TBC1D10B: variants seen among roughly 807,000 people sequenced by gnomAD.
The protein encoded by TBC1D10B is Rab27A-GAPbeta.
TBC1D10B carries 25 observed loss-of-function variants against 78.4 expected under a neutral mutation model. That is an observed-to-expected ratio of 0.32 (90% CI 0.23 to 0.45). The LOEUF is 0.45. Ranked by LOEUF, TBC1D10B falls within the 20% of genes least tolerant of loss-of-function variation. The probability of loss-of-function intolerance (pLI) is 1.00; values close to 1 mark genes in which losing one functional copy is unlikely to be tolerated. For missense variants in TBC1D10B, 996 were observed against 1,104.8 expected, an observed-to-expected ratio of 0.90 and a Z score of 1.40; for synonymous variants, 517 against 478.0, an observed-to-expected ratio of 1.08 and a Z score of -1.06.
At position 30,359,635 on chromosome 16, in the gene TBC1D10B, G is replaced by A. The variant is rs952527808; in HGVS notation, c.1387-32C>T. On this transcript the variant is annotated intron_variant, in intron 5 of 8. Transcript: ENST00000409939. ...AGAGCAAGAACAAGGAGGAGGGGTGGGGCCTGAGAAGCAGGGAGCAGGGAG... is the reference window on the plus strand; with the variant it reads ...AGAGCAAGAACAAGGAGGAGGGGTGAGGCCTGAGAAGCAGGGAGCAGGGAG... 5 of 1,556,464 alleles carry A rather than the reference G, an allele frequency of 3.2e-6. No individual in the cohort carries two copies. The African/African-American group carries it at 5.5e-5, about 17-fold the overall frequency.
In TBC1D10B at chr16:30,360,019, T is replaced by G. The variant is rs1383071696; in HGVS notation, c.1272-178A>C. On this transcript the variant is annotated intron_variant, in intron 4 of 8. Coordinates refer to ENST00000409939, the MANE Select transcript of TBC1D10B (RefSeq NM_015527.4). ...AGCAGAGCACTCCAGGCCCCGGGGC[T>G]CCGCCTTTGGCTACATACTCCACAT... The G allele has an allele frequency of 8.2e-6, 5 of 611,708 alleles. No individual in the cohort carries two copies. The East Asian group carries it at 1.4e-4, about 17-fold the overall frequency. The allele number at this position is 611,708 out of a possible 1,614,324, so 37.9% of individuals were successfully genotyped here. A position where few individuals can be genotyped will look rare whatever the true frequency, so the allele number is the denominator to read the frequency against.
intron 4 of TBC1D10B, 119 bp downstream of exon 4, chr16:30,364,781 T>C: frequency 1.2e-6 from 1 of 821,062 alleles, no homozygotes; most frequent in East Asian, 2.7e-5. Flanking sequence ...TACAGATAGC[T>C]CTTCTACAAG....
chr16:30,361,594 G>A (rs1034932993), intron 4 of TBC1D10B, among the ~76,000 whole-genome samples: 2 of 151,776 alleles, frequency 1.3e-5, no homozygotes, highest in African/African-American at 4.8e-5. Flanking sequence ...TAGTAGAGAC[G>A]GGGTTTCTCC....
chr16:30,367,480 T>A (rs2049645722), intron 1 of TBC1D10B: 1 of 152,106 alleles, frequency 6.6e-6, no homozygotes, highest in Admixed American at 6.6e-5. Context: ...TAATACAGCA[T>A]GGGAAATGCA....
rs1450470027 is a variant in TBC1D10B at position 30,358,823 on chromosome 16, G to A, written c.1643-6C>T. ...CCGGAAGATGATCTTAACGCCTGCA[G>A]GGGTGGAGAGTAGAGAGCATGGGGT... On this transcript the variant is annotated splice_polypyrimidine_tract_variant and splice_region_variant and intron_variant, in intron 7 of 8. Coordinates refer to ENST00000409939, the MANE Select transcript of TBC1D10B (RefSeq NM_015527.4). The A allele has an allele frequency of 6.2e-7, 1 of 1,602,260 alleles. No homozygotes were observed. Among genetic ancestry groups the A allele is most frequent in the Non-Finnish European group, 8.5e-7 (1 of 1,174,818 alleles).
rs1392101785 is a variant in TBC1D10B at position 30,359,297 on chromosome 16, T to C, written c.1517A>G (p.His506Arg). The change falls in exon 7 of 9, where the codon CAT becomes CGT. Residue 506 changes from histidine to arginine, a missense_variant. Coordinates refer to ENST00000409939, the MANE Select transcript of TBC1D10B (RefSeq NM_015527.4). The part of the protein sequence containing the change: ...ALLRRASPLA[H>R]RHLRRQRIDP... ...AATGCGCTGCCGCCGCAGGTGGCGA[T>C]GCGCCAGCGGGGAGGCCCGGCGCAG... 6.2e-7 allele frequency: 1 copy of C among 1,605,110 alleles called. No individual in the cohort carries two copies. The highest frequency in any genetic ancestry group is 1.1e-5 in the South Asian group (1 of 89,716).
At chr16:30,358,998 C>A in intron 7 of TBC1D10B, 174 bp downstream of exon 7, 1 of 1,211,782 alleles carries the variant, frequency 8.3e-7, no homozygotes. Flanking sequence ...AGAGCAGGCT[C>A]TGGGTTGGTG....
rs1387315592 is a variant in TBC1D10B, at chr16:30,358,794, C to T, written c.1666G>A (p.Ala556Thr). 1 of 1,608,788 alleles carries T rather than the reference C, an allele frequency of 6.2e-7. No individual in the cohort carries two copies. The highest frequency in any genetic ancestry group is 8.5e-7 in the Non-Finnish European group (1 of 1,177,984). ...AGCGTGTGGCGCAGCAGGACCAGGG[C>T]CACCCGGAAGATGATCTTAACGCCT... ...CEGVKIIFRV[A>T]LVLLRHTLGS... Residue 556 changes from alanine to threonine, a missense_variant, in exon 8 of 9, where the codon GCC becomes ACC. Physicochemically the swap from Ala to Thr is moderately conservative, Grantham distance 58. Transcript: ENST00000409939.
intron 4 of TBC1D10B, 38 bp downstream of exon 4, chr16:30,364,862 A>G (rs778520168): frequency 7.7e-6 from 12 of 1,555,716 alleles, no homozygotes; most frequent in African/African-American, 4.1e-5. Flanking sequence ...CCTCCAGCCA[A>G]TGTTTGCTGA....
intron 4 of TBC1D10B, chr16:30,360,431 C>T (rs1030429061): frequency 5.2e-5 from 8 of 153,576 alleles, no homozygotes; most frequent in African/African-American, 1.9e-4. Flanking sequence ...AGCGCTGCAC[C>T]CTGAATTCCA....
At chr16:30,359,079 C>T in intron 7 of TBC1D10B, 93 bp downstream of exon 7, 10 of 1,447,290 alleles carry the variant, frequency 6.9e-6, no homozygotes, top group African/African-American at 1.4e-5. Flanking sequence ...CAACAAGTAC[C>T]TTTTGTCCAT....
At position 30,357,303 on chromosome 16, in the gene TBC1D10B, G is replaced by A. The variant is rs11552860; in HGVS notation, c.*641C>T. 1.7e-3 allele frequency: 260 copies of A among 156,906 alleles called. 1 individual carries two copies. Among genetic ancestry groups the A allele is most frequent in the East Asian group, 5.0e-3 (26 of 5,248 alleles). 9.7% of individuals were successfully genotyped at this position (156,906 alleles called of 1,614,324 possible). ...GTGAGACAAAAGCAGGGGGGCCTGA[G>A]AACACAGAGCAAGGTGGGTTTGGAG... On this transcript the variant is annotated 3_prime_UTR_variant, in exon 9 of 9. Transcript: ENST00000409939.
intron 4 of TBC1D10B, among the ~76,000 whole-genome samples, chr16:30,364,332 T>C (rs1187890587): frequency 1.3e-5 from 2 of 151,850 alleles, no homozygotes; most frequent in Non-Finnish European, 2.9e-5. Flanking sequence ...TCCCAGCTAC[T>C]CAGGAGGCTG....
At chr16:30,368,047 T>G (rs1469378007) in intron 1 of TBC1D10B, 1 of 152,234 alleles carries the variant, frequency 6.6e-6, no homozygotes, top group Non-Finnish European at 1.5e-5. Context: ...TCAACTGCAC[T>G]AATTGTTTCT....
chr16:30,361,375 T>C (rs1432012174), intron 4 of TBC1D10B, among the ~76,000 whole-genome samples: 4 of 152,240 alleles, frequency 2.6e-5, no homozygotes, highest in African/African-American at 9.6e-5. Flanking sequence ...ACTCACTGTC[T>C]TCAATTTCTT....
chr16:30,369,540 C>T lies in TBC1D10B; in HGVS notation c.644G>A (p.Gly215Asp), dbSNP rs528779707. The T allele has an allele frequency of 1.9e-6, 3 of 1,546,228 alleles. No individual in the cohort carries two copies. Among genetic ancestry groups the T allele is most frequent in the South Asian group, 1.2e-5 (1 of 83,676 alleles). The change falls in exon 1 of 9, where the codon GGC (glycine) becomes GAC (aspartate). Residue 215 changes from glycine (G) to aspartate (D), a missense_variant. Gly to Asp is a moderately conservative substitution (Grantham distance 94). Around this residue, in one of 5 missense-constraint regions of TBC1D10B, gnomAD observed 448 missense variants for 442.1 expected, o/e 1.01. Transcript: ENST00000409939. This position sits in a 1 kb window ranked among gnomAD's most constrained non-coding sequence, Gnocchi z 4.3. ...AGTCCCAGAGGGGCCTGTGCCAGGG[C>T]CTGAGGGGTCCTCAGGAGCCTGTCC... is the stretch of plus-strand genomic sequence containing the variant. ...SAGQAPEDPSGPGTGPSGTCE... is the reference protein window; with the variant it reads ...SAGQAPEDPSDPGTGPSGTCE...
In TBC1D10B at chr16:30,370,271, G is replaced by A. The variant is rs1195027126; in HGVS notation, c.-88C>T. The A allele has an allele frequency of 1.4e-6, 1 of 699,976 alleles. No individual in the cohort carries two copies. The highest frequency in any genetic ancestry group is 6.7e-5 in the East Asian group (1 of 14,874). 43.4% of individuals were successfully genotyped at this position (699,976 alleles called of 1,614,324 possible). On this transcript the variant is annotated 5_prime_UTR_variant, in exon 1 of 9. Coordinates refer to ENST00000409939, the MANE Select transcript of TBC1D10B (RefSeq NM_015527.4). ...CCTCCCGGCGAGGCCAGCCGAGAAA[G>A]GGGAGAGGGCGAAGGGCGCGGCTCG... is the stretch of plus-strand genomic sequence containing the variant.
In TBC1D10B at chr16:30,357,943, G is replaced by A. The variant is rs1249180355; in HGVS notation, c.*1C>T. On this transcript the variant is annotated 3_prime_UTR_variant, in exon 9 of 9. Transcript: ENST00000409939. The stretch of plus-strand genomic sequence containing the variant: ...CATGCAGTCCAGCCCCAGGGCAGAG[G>A]TCAGAAGTAAGCGTCCTGCCGGGCC... 3 of 1,549,932 alleles carry A rather than the reference G, an allele frequency of 1.9e-6. No individual in the cohort carries two copies. Among genetic ancestry groups the A allele is most frequent in the Admixed American group, 2.0e-5 (1 of 50,910 alleles).
rs1183657934 is a variant in TBC1D10B, at chr16:30,358,158, T to C, written c.2213A>G (p.Gln738Arg). Residue 738 changes from glutamine to arginine, a missense_variant, in exon 9 of 9, where the codon CAG becomes CGG. Physicochemically the swap from Gln to Arg is conservative, Grantham distance 43 (BLOSUM62 1). This residue lies in a region of TBC1D10B where 285 missense variants were observed against 252.5 expected (regional missense o/e 1.13). Coordinates refer to ENST00000409939, the MANE Select transcript of TBC1D10B (RefSeq NM_015527.4). ...CCGCTCCTTCTCCCGCTCCTTCTCC[T>C]GTTTCTGCCGCTCCTTCTCCTGTTT... ...RQKQEKERQK[Q>R]EKEREKERQK... 8 of 1,549,696 alleles carry C rather than the reference T, an allele frequency of 5.2e-6. No homozygotes were observed. The highest frequency in any genetic ancestry group is 3.9e-5 in the Admixed American group (2 of 50,910).
Sources: gnomAD v4.1 joint callset for allele counts (sites outside exome capture counted in the v4.1 genomes callset) on GRCh38, gnomAD v4.1.1 for gene constraint, gnomAD v4.1.1 regional missense constraint, Gnocchi (gnomAD v3.1) non-coding constraint, MANE v1.5 for transcripts, NCBI Gene and HGNC (gene_info 2026-07-23, HGNC 2026-07-21) for gene names.